Variants in ESR1 observed in about 807,000 individuals in gnomAD.
ESR1 encodes estrogen receptor 1, also known as estrogen receptor.
ESR1 carries 12 observed loss-of-function variants against 52.7 expected under a neutral mutation model. The observed-to-expected ratio is 0.23, with a 90% confidence interval of 0.15 to 0.37. ESR1 has a LOEUF of 0.37. ESR1 is among the 10% of genes least tolerant of loss of function. The pLI, the probability that ESR1 is intolerant of heterozygous loss-of-function variation, is 1.00. For missense variants in ESR1, 584 were observed against 779.7 expected, an observed-to-expected ratio of 0.75 and a Z score of 2.99; for synonymous variants, 305 against 316.8, an observed-to-expected ratio of 0.96 and a Z score of 0.39.
chr6:151,774,659 T>C (rs1237342548), intron 2 of ESR1, among the ~76,000 whole-genome samples: 1 of 152,212 alleles, frequency 6.6e-6, no homozygotes, highest in African/African-American at 2.4e-5. Flanking sequence ...TCCATTTAGA[T>C]AGTCTATATT....
intron 2 of ESR1, among the ~76,000 whole-genome samples, chr6:151,779,361 A>G (rs760962414): frequency 5.9e-5 from 9 of 152,198 alleles, no homozygotes; most frequent in African/African-American, 2.2e-4. Flanking sequence ...TCCTTTCCCC[A>G]TAAGGATATG....
At chr6:151,810,336 T>C (rs1037335701) in intron 1 of ESR1, among the ~76,000 whole-genome samples, 3 of 152,198 alleles carry the variant, frequency 2.0e-5, no homozygotes, top group Non-Finnish European at 2.9e-5. Context: ...AGTTTTAGAA[T>C]GATTTTTCCT....
intron 5 of ESR1, among the ~76,000 whole-genome samples, chr6:152,050,801 TG>T (rs1173016673): frequency 6.6e-6 from 1 of 152,222 alleles, no homozygotes; most frequent in Non-Finnish European, 1.5e-5. Flanking sequence ...GGGAGGTTGT[TG>T]AAGAGTCAGA....
intron 3 of ESR1, among the ~76,000 whole-genome samples, chr6:151,885,626 A>G (rs1793711501): frequency 6.6e-6 from 1 of 152,144 alleles, no homozygotes; most frequent in African/African-American, 2.4e-5. Flanking sequence ...GCACTTTGGG[A>G]GGCTGAGGTG....
At chr6:151,675,767 T>C (rs563562197) in intron 1 of ESR1, among the ~76,000 whole-genome samples, 1 of 152,352 alleles carries the variant, frequency 6.6e-6, no homozygotes, top group South Asian at 2.1e-4. Flanking sequence ...ACATTAAGCA[T>C]TGTTTGAGAC....
At chr6:151,661,048 T>G (rs1323364831) in intron 1 of ESR1, among the ~76,000 whole-genome samples, 1 of 152,126 alleles carries the variant, frequency 6.6e-6, no homozygotes, top group African/African-American at 2.4e-5. Context: ...AAAGAGTGAG[T>G]GCAATAGACA....
intron 4 of ESR1, among the ~76,000 whole-genome samples, chr6:151,981,368 G>A (rs1199744656): frequency 6.6e-6 from 1 of 152,192 alleles, no homozygotes; most frequent in African/African-American, 2.4e-5. Flanking sequence ...TTTAATAAGA[G>A]CATCTAGAAC....
At chr6:151,973,930 A>G (rs73628470) in intron 4 of ESR1, among the ~76,000 whole-genome samples, 9,377 of 152,238 alleles carry the variant, frequency 0.062, 938 homozygotes, top group African/African-American at 0.21. Flanking sequence ...TCATTGATTT[A>G]AAGCAGAGGT....
At chr6:151,837,666 G>A (rs1044384453) in intron 1 of ESR1, among the ~76,000 whole-genome samples, 14 of 152,264 alleles carry the variant, frequency 9.2e-5, no homozygotes, top group Middle Eastern at 3.4e-3. Context: ...TCTTTCCAGA[G>A]AATCTCTACA....
exon 7 of ESR1, chr6:152,128,490 T>A (rs1444529265): frequency 6.6e-6 from 1 of 152,212 alleles, no homozygotes; most frequent in African/African-American, 2.4e-5. Flanking sequence ...AAATACTGTA[T>A]GAAGATACAG....
chr6:151,982,126 G>T (rs776056724), intron 4 of ESR1, among the ~76,000 whole-genome samples: 7 of 152,220 alleles, frequency 4.6e-5, no homozygotes, highest in Non-Finnish European at 8.8e-5. Flanking sequence ...AGTTGGTGAA[G>T]ATATAAAGAT....
chr6:151,860,549 A>G (rs1788685948), intron 2 of ESR1, among the ~76,000 whole-genome samples: 1 of 152,176 alleles, frequency 6.6e-6, no homozygotes, highest in African/African-American at 2.4e-5. Flanking sequence ...ACAGACATAC[A>G]CACATGTACA....
At chr6:151,729,763 G>A (rs977312854) in intron 2 of ESR1, among the ~76,000 whole-genome samples, 1 of 152,084 alleles carries the variant, frequency 6.6e-6, no homozygotes, top group African/African-American at 2.4e-5. Flanking sequence ...CAACAAAGCT[G>A]AAAGTGGCAA....
At chr6:151,889,641 G>A (rs1165135169) in intron 3 of ESR1, among the ~76,000 whole-genome samples, 2 of 151,866 alleles carry the variant, frequency 1.3e-5, no homozygotes, top group African/African-American at 4.8e-5. Context: ...TGTGTTTTTA[G>A]TCTCAATTTT....
rs934450777 is a variant in ESR1, at chr6:151,819,512, A to G, written c.452+11148A>G. On this transcript the variant is annotated intron_variant, in intron 1 of 7. Transcript: ENST00000206249. ...AGATCAGCGGTAGCATTAGATTTTC[A>G]TAGGAATGCAAACCCTACTGTGAAC... Among the ~76,000 whole-genome samples, 25 of 152,118 alleles carry G rather than the reference A, an allele frequency of 1.6e-4. 1 individual carries two copies. The highest frequency in any genetic ancestry group is 1.6e-3 in the Admixed American group (24 of 15,266).
intron 1 of ESR1, among the ~76,000 whole-genome samples, chr6:151,683,358 T>A (rs1778528525): frequency 6.6e-6 from 1 of 151,252 alleles, no homozygotes; most frequent in South Asian, 2.1e-4. Context: ...GAGAGCAAGG[T>A]GAATGCAGGT....
chr6:151,976,262 G>A (rs1002630840), intron 4 of ESR1, among the ~76,000 whole-genome samples: 7 of 152,022 alleles, frequency 4.6e-5, no homozygotes, highest in African/African-American at 9.7e-5. Flanking sequence ...TGATACCATC[G>A]TGACTTAGCT....
chr6:152,094,348 T>G lies in ESR1; in HGVS notation c.1370-37T>G. 6.3e-7 allele frequency: 1 copy of G among 1,597,686 alleles called. No homozygotes were observed. The highest frequency in any genetic ancestry group is 8.6e-7 in the Non-Finnish European group (1 of 1,165,102). On this transcript the variant is annotated intron_variant, in intron 6 of 7. Transcript: ENST00000206249. This position sits in a 1 kb window ranked among gnomAD's most constrained non-coding sequence, Gnocchi z 4.6. The stretch of plus-strand genomic sequence containing the variant: ...TGGGTCTCCTAGACCTCATCCTCTT[T>G]GAGCTTCTCTCTCTCACTCTCTCTC...
rs3020369 is a variant in ESR1, at chr6:152,053,397, T to C, written c.1236-7594T>C. Among the ~76,000 whole-genome samples the C allele has an allele frequency of 0.46, 69,306 of 151,840 alleles. 18,018 individuals are homozygous for C. Among genetic ancestry groups the C allele is most frequent in the African/African-American group, 0.7 (29,120 of 41,392 alleles). ...AAATTGCCTCCCTCTGCCAGTTTCTTGCCCCTTCCTCCTTCTGTCTCTCCC... is the reference window on the plus strand; with the variant it reads ...AAATTGCCTCCCTCTGCCAGTTTCTCGCCCCTTCCTCCTTCTGTCTCTCCC... On this transcript the variant is annotated intron_variant, in intron 5 of 7. Coordinates refer to ENST00000206249, the MANE Select transcript of ESR1 (RefSeq NM_000125.4). The surrounding 1 kb of genome is among the most constrained non-coding windows in gnomAD (Gnocchi z 4.1).
Sources: gnomAD v4.1 joint callset for allele counts (sites outside exome capture counted in the v4.1 genomes callset) on GRCh38, gnomAD v4.1.1 for gene constraint, Gnocchi (gnomAD v3.1) non-coding constraint, MANE v1.5 for transcripts, NCBI Gene and HGNC (gene_info 2026-07-23, HGNC 2026-07-21) for gene names.